DRP2: variants seen among roughly 807,000 people sequenced by gnomAD.
DRP2 encodes dystrophin related protein 2.
In DRP2, 29 loss-of-function variants were observed where a neutral mutation model predicts 78.2. That is an observed-to-expected ratio of 0.37 (90% CI 0.28 to 0.51). The LOEUF is 0.51. Ranked by LOEUF, DRP2 falls within the 20% of genes least tolerant of loss-of-function variation. The probability of loss-of-function intolerance (pLI) is 0.94; values close to 1 mark genes in which losing one functional copy is unlikely to be tolerated. For missense variants in DRP2, 686 were observed against 770.6 expected, an observed-to-expected ratio of 0.89 and a Z score of 1.30; for synonymous variants, 290 against 281.9, an observed-to-expected ratio of 1.03 and a Z score of -0.29.
chrX:101,252,824 C>CAGA, intron 17 of DRP2, 108 bp downstream of exon 17: 6 of 588,283 alleles, frequency 1.0e-5, no homozygotes, highest in African/African-American at 2.3e-5. Flanking sequence ...CCGTGGGGAG[C>CAGA]ATTCTCCAAG....
intron 2 of DRP2, among the ~76,000 whole-genome samples, chrX:101,230,278 A>T (rs370200054): frequency 8.9e-6 from 1 of 111,923 alleles, no homozygotes; most frequent in African/African-American, 3.2e-5. Flanking sequence ...TAATCCCAGC[A>T]CTTTGGGAGG....
At chrX:101,258,279 C>T in intron 21 of DRP2, 30 bp from the exon 22 acceptor site, 1 of 1,135,501 alleles carries the variant, frequency 8.8e-7, no homozygotes, top group Non-Finnish European at 1.2e-6. Flanking sequence ...CTGTTAGAGC[C>T]ATAGGTCTTG....
In DRP2 at chrX:101,254,575, G is replaced by C. The variant is rs778926819; in HGVS notation, c.2114+14G>C. 8.3e-7 allele frequency: 1 copy of C among 1,211,572 alleles called. No homozygotes were observed. The highest frequency in any genetic ancestry group is 1.1e-6 in the Non-Finnish European group (1 of 895,350). ...CTACAGTGAGACGTGAGTACTGGTG[G>C]CTGAGCAGGGGCTGTGGGCAGCCTC... On this transcript the variant is annotated intron_variant, in intron 18 of 23. Coordinates refer to ENST00000395209, the MANE Select transcript of DRP2 (RefSeq NM_001939.3).
At chrX:101,250,883 T>C in intron 15 of DRP2, 34 bp from the exon 16 acceptor site, 2 of 1,202,068 alleles carry the variant, frequency 1.7e-6, no homozygotes, top group Non-Finnish European at 2.2e-6. Context: ...ACTTTGGGCC[T>C]CAGTCATTCC....
intron 1 of DRP2, 46 bp from the exon 2 acceptor site, chrX:101,224,556 AAT>A (rs1318061761): frequency 8.9e-6 from 1 of 112,047 alleles, no homozygotes; most frequent in African/African-American, 3.3e-5. Flanking sequence ...ATAACTTTGA[AAT>A]CTGTCCAAAT....
chrX:101,237,921 T>TGCTA, intron 5 of DRP2, 146 bp downstream of exon 5: 5 of 556,142 alleles, frequency 9.0e-6, no homozygotes, highest in East Asian at 4.4e-5. Flanking sequence ...GTGGCTAGCA[T>TGCTA]GCCACAGCCT....
chrX:101,252,489 C>G, intron 16 of DRP2, 116 bp from the exon 17 acceptor site: 3 of 554,075 alleles, frequency 5.4e-6, no homozygotes, highest in Non-Finnish European at 9.1e-6. Context: ...TGTTATGGCT[C>G]CATGCCTCAT....
At chrX:101,259,116 C>T (rs749491603) in intron 22 of DRP2, among the ~76,000 whole-genome samples, 4 of 111,732 alleles carry the variant, frequency 3.6e-5, no homozygotes, top group Non-Finnish European at 7.5e-5. Context: ...GTTAGTTAAC[C>T]TCTCTAAGCC....
At chrX:101,232,539 G>A (rs1019819369) in intron 3 of DRP2, among the ~76,000 whole-genome samples, 1 of 111,132 alleles carries the variant, frequency 9.0e-6, no homozygotes, top group African/African-American at 3.3e-5. Flanking sequence ...GGCAGCGGCC[G>A]AATATACAGG....
Position 101,260,123 on chromosome X carries a change from T to A in DRP2, c.2703T>A (p.Ser901Arg). Reference sequence around the variant, plus strand: ...CCTCTCCACAGCAGTCAGAAGGCAGTCACCCCCGGGAGAAGGGACAGACTA... The same window carrying A: ...CCTCTCCACAGCAGTCAGAAGGCAGACACCCCCGGGAGAAGGGACAGACTA... Reference protein sequence around the residue: ...LASSPQQSEGSHPREKGQTTP... With the variant: ...LASSPQQSEGRHPREKGQTTP... The change falls in exon 23 of 24, where the codon AGT becomes AGA. Residue 901 changes from serine (S) to arginine (R), a missense_variant. This residue lies in a region of DRP2 where 423 missense variants were observed against 531.5 expected (regional missense o/e 0.80). Transcript: ENST00000395209. The A allele has an allele frequency of 8.3e-7, 1 of 1,211,260 alleles. No individual in the cohort carries two copies. Among genetic ancestry groups the A allele is most frequent in the African/African-American group, 1.7e-5 (1 of 57,606 alleles).
intron 2 of DRP2, among the ~76,000 whole-genome samples, chrX:101,227,270 T>G (rs1922153273): frequency 8.9e-6 from 1 of 111,878 alleles, no homozygotes; most frequent in African/African-American, 3.3e-5. Flanking sequence ...TTATCCTTTT[T>G]TTTGTTTGTT....
intron 6 of DRP2, among the ~76,000 whole-genome samples, 194 bp downstream of exon 6, chrX:101,239,295 G>A (rs1922630719): frequency 9.0e-6 from 1 of 111,679 alleles, no homozygotes; most frequent in South Asian, 3.8e-4. Context: ...AATATAGCCT[G>A]GAGCAGGGGT....
chrX:101,255,864 C>T (rs1328213815), intron 20 of DRP2, among the ~76,000 whole-genome samples: 2 of 89,615 alleles, frequency 2.2e-5, no homozygotes, highest in Admixed American at 1.3e-4. Context: ...CATTGTTTCC[C>T]GGGGAGGGGG....
rs184611882 is a variant in DRP2, at chrX:101,245,318, G to T, written c.1116-70G>T. The stretch of plus-strand genomic sequence containing the variant: ...TTGCATCCAACCTGTCACTTGAGTG[G>T]TGTGCACATCTGAGTGTGGGGGTGG... On this transcript the variant is annotated intron_variant, in intron 10 of 23. Transcript: ENST00000395209. 5,140 of 1,035,131 alleles carry T rather than the reference G, an allele frequency of 5.0e-3. 18 individuals carry two copies. The highest frequency in any genetic ancestry group is 0.027 in the South Asian group (1,322 of 48,491). The allele number at this position is 1,035,131 out of a possible 1,213,427, so 85.3% of individuals were successfully genotyped here. A position where few individuals can be genotyped will look rare whatever the true frequency, so the allele number is the denominator to read the frequency against.
At chrX:101,246,397 GACT>G (rs1004032204) in intron 11 of DRP2, among the ~76,000 whole-genome samples, 1 of 112,678 alleles carries the variant, frequency 8.9e-6, no homozygotes, top group Non-Finnish European at 1.9e-5. Context: ...TGATGCATGT[GACT>G]ACAGTTCATT....
chrX:101,247,178 T>A lies in DRP2; in HGVS notation c.1252+14T>A. On this transcript the variant is annotated intron_variant, in intron 12 of 23. Coordinates refer to ENST00000395209, the MANE Select transcript of DRP2 (RefSeq NM_001939.3). ...AAGCCCTGCGCTGTACGTCTCCTGT[T>A]GTACTTCCCTATGACGTTCACCACC... 1 of 1,190,600 alleles carries A rather than the reference T, an allele frequency of 8.4e-7. No homozygotes were observed. Among genetic ancestry groups the A allele is most frequent in the Non-Finnish European group, 1.1e-6 (1 of 879,720 alleles).
intron 23 of DRP2, 33 bp from the exon 24 acceptor site, chrX:101,260,464 G>A: frequency 8.3e-7 from 1 of 1,200,311 alleles, no homozygotes; most frequent in Non-Finnish European, 1.1e-6. Flanking sequence ...GGAGTCTCTA[G>A]TTCTCTTCTC....
intron 1 of DRP2, among the ~76,000 whole-genome samples, chrX:101,221,628 G>C (rs7066407): frequency 0.13 from 14,283 of 111,973 alleles, 689 homozygotes; most frequent in Middle Eastern, 0.19. Flanking sequence ...AAGTAGCTCT[G>C]TGCTCCAGGT....
At chrX:101,247,301 A>G (rs980331222) in intron 12 of DRP2, 137 bp downstream of exon 12, 12 of 517,154 alleles carry the variant, frequency 2.3e-5, no homozygotes, top group Non-Finnish European at 3.1e-5. Flanking sequence ...AGCCTGCAAT[A>G]TGCTAGCTGT....
Sources: allele counts gnomAD v4.1 joint callset (sites outside exome capture counted in the v4.1 genomes callset), GRCh38; gene constraint gnomAD v4.1.1; regional missense constraint gnomAD v4.1.1; transcripts MANE v1.5; gene names NCBI Gene and HGNC (gene_info 2026-07-23, HGNC 2026-07-21).